ZNF407: variants seen among roughly 807,000 people sequenced by gnomAD.
ZNF407 encodes zinc finger protein 407.
In ZNF407, 17 loss-of-function variants were observed where a neutral mutation model predicts 131.2. That is an observed-to-expected ratio of 0.13 (90% CI 0.09 to 0.19). The LOEUF (loss-of-function observed/expected upper bound fraction) is 0.19. ZNF407 is among the 10% of genes least tolerant of loss of function. The probability of loss-of-function intolerance (pLI) is 1.00; values close to 1 mark genes in which losing one functional copy is unlikely to be tolerated. For synonymous variants in ZNF407, 1,156 were observed against 1,062.0 expected, an observed-to-expected ratio of 1.09 and a Z score of -1.72; for missense variants, 2,681 against 2,830.6, an observed-to-expected ratio of 0.95 and a Z score of 1.20.
At chr18:75,015,066 T>C (rs1444552789) in intron 8 of ZNF407, among the ~76,000 whole-genome samples, 1 of 152,098 alleles carries the variant, frequency 6.6e-6, no homozygotes, top group East Asian at 1.9e-4. Context: ...CCAGCTAATT[T>C]GGGGAGACTA....
At chr18:74,970,010 C>T (rs529200693) in intron 8 of ZNF407, among the ~76,000 whole-genome samples, 92 of 152,022 alleles carry the variant, frequency 6.1e-4, no homozygotes, top group East Asian at 7.7e-4. Flanking sequence ...ATAAAACTGG[C>T]GGGGGTGAAA....
At chr18:75,029,034 G>A (rs147526009) in intron 8 of ZNF407, among the ~76,000 whole-genome samples, 6 of 152,260 alleles carry the variant, frequency 3.9e-5, no homozygotes, top group African/African-American at 9.6e-5. Context: ...TTGTAGTCAC[G>A]AATAAAATTA....
At chr18:74,804,623 C>T (rs1970080974) in intron 4 of ZNF407, 1 of 982,974 alleles carries the variant, frequency 1.0e-6, no homozygotes, top group African/African-American at 1.7e-5. Flanking sequence ...ATGCTGATTA[C>T]TATAGCCAGT....
At chr18:74,781,606 CAT>C in intron 4 of ZNF407, 104 bp downstream of exon 4, 2 of 789,386 alleles carry the variant, frequency 2.5e-6, no homozygotes, top group Non-Finnish European at 3.8e-6. Flanking sequence ...ATCAGTTAAT[CAT>C]GTTTCTATTT....
chr18:75,062,895 T>C (rs1340657060), intron 8 of ZNF407: 1 of 363,776 alleles, frequency 2.7e-6, no homozygotes, highest in African/African-American at 2.1e-5. Context: ...AGAGTTGTAT[T>C]GGACAGCTCA....
rs541410272 is a variant in ZNF407, at chr18:74,746,091, A to T, written c.4803-35337A>T. On this transcript the variant is annotated intron_variant, in intron 3 of 8. Transcript: ENST00000299687. ...ACACCTAGGCTAGATGGTATGGCCT[A>T]TTGCTCCTAGGCTGCAAACCTGTCC... 4.6e-5 allele frequency among the ~76,000 whole-genome samples: 7 copies of T among 152,306 alleles called. No homozygotes were observed. The South Asian group carries it at 1.2e-3, about 27-fold the overall frequency.
chr18:74,730,080 G>A (rs890832425), intron 3 of ZNF407, among the ~76,000 whole-genome samples: 5 of 152,122 alleles, frequency 3.3e-5, no homozygotes, highest in Admixed American at 2.0e-4. Context: ...TGTGCCAGGC[G>A]CTATTCTTGG....
Position 75,027,428 on chromosome 18 carries a change from C to T in ZNF407, c.5429-35722C>T, listed in dbSNP as rs186969461. 3.4e-4 allele frequency among the ~76,000 whole-genome samples: 51 copies of T among 152,208 alleles called. 1 individual carries two copies. The East Asian group carries it at 8.1e-3, about 24-fold the overall frequency. ...GAGACTAGTTAGGAGATATTGGCTG[C>T]GATCAGGAAGACAGAGATACAGGTG... On this transcript the variant is annotated intron_variant, in intron 8 of 8. Coordinates refer to ENST00000299687, the MANE Select transcript of ZNF407 (RefSeq NM_017757.3).
chr18:75,006,165 A>G (rs1376110345), intron 8 of ZNF407, among the ~76,000 whole-genome samples: 1 of 152,154 alleles, frequency 6.6e-6, no homozygotes, highest in Non-Finnish European at 1.5e-5. Flanking sequence ...CTTCCTCTGC[A>G]CTGCCGCTCC....
At chr18:74,879,813 G>A (rs565353052) in intron 5 of ZNF407, among the ~76,000 whole-genome samples, 2 of 152,300 alleles carry the variant, frequency 1.3e-5, no homozygotes, top group East Asian at 1.9e-4. Context: ...TGTGTTCGTT[G>A]AAAGTAGAAA....
chr18:74,696,618 A>ATGTG (rs369910424), intron 3 of ZNF407, among the ~76,000 whole-genome samples: 2 of 151,464 alleles, frequency 1.3e-5, no homozygotes, highest in African/African-American at 2.4e-5. Context: ...TAGGGTTATA[A>ATGTG]TGTGTGTGTG....
rs887931198 is a variant in ZNF407, at chr18:74,793,324, G to A, written c.4877+11822G>A. On this transcript the variant is annotated intron_variant, in intron 4 of 8. Coordinates refer to ENST00000299687, the MANE Select transcript of ZNF407 (RefSeq NM_017757.3). ...CAATGTCTGGAGTGTAATATTTTTA[G>A]TTTTCAGGTTTGGTGTTAAATTCAC... Among the ~76,000 whole-genome samples, 4 of 152,180 alleles carry A rather than the reference G, an allele frequency of 2.6e-5. No homozygotes were observed. The East Asian group carries it at 7.7e-4, about 29-fold the overall frequency.
chr18:74,999,348 TAAAAAAAAAAAAAAAAAAA>T (rs71170334), intron 8 of ZNF407, among the ~76,000 whole-genome samples: 17 of 60,450 alleles, frequency 2.8e-4, no homozygotes, highest in Non-Finnish European at 5.4e-4. Context: ...TAGAGTATAA[TAAAAAAAAAAAAAAAAAAA>T]AAAAAAAACA....
rs60629711 is a variant in ZNF407, at chr18:74,978,916, A to G, written c.5428+58224A>G. 5.5e-3 allele frequency among the ~76,000 whole-genome samples: 835 copies of G among 152,256 alleles called. 9 individuals are homozygous for G. Among genetic ancestry groups the G allele is most frequent in the African/African-American group, 0.019 (810 of 41,554 alleles). ...ATGACAATGTGCAGGGAGCTGGGAA[A>G]ACAGCAGGAACCATCGGGAGAGGCG... On this transcript the variant is annotated intron_variant, in intron 8 of 8. Coordinates refer to ENST00000299687, the MANE Select transcript of ZNF407 (RefSeq NM_017757.3).
intron 2 of ZNF407, among the ~76,000 whole-genome samples, chr18:74,636,986 C>T (rs1984493197): frequency 6.6e-6 from 1 of 152,210 alleles, no homozygotes; most frequent in South Asian, 2.1e-4. Flanking sequence ...GCAGATAAAA[C>T]TGAATAAAAC....
At chr18:74,660,439 G>C (rs1985663830) in intron 3 of ZNF407, among the ~76,000 whole-genome samples, 1 of 152,012 alleles carries the variant, frequency 6.6e-6, no homozygotes. Context: ...TATAATTTTT[G>C]CCTCACGTCC....
At chr18:75,004,896 C>G (rs142413056) in intron 8 of ZNF407, among the ~76,000 whole-genome samples, 1 of 152,176 alleles carries the variant, frequency 6.6e-6, no homozygotes, top group African/African-American at 2.4e-5. Flanking sequence ...GAGATGGCTT[C>G]TGGCAGCGCT....
chr18:74,998,327 G>T (rs1972802921), intron 8 of ZNF407, among the ~76,000 whole-genome samples: 1 of 152,154 alleles, frequency 6.6e-6, no homozygotes, highest in East Asian at 1.9e-4. Flanking sequence ...TCTTTGCCTA[G>T]CCCCATCCTT....
intron 4 of ZNF407, among the ~76,000 whole-genome samples, chr18:74,795,136 G>T (rs1200006905): frequency 1.3e-5 from 2 of 151,978 alleles, no homozygotes; most frequent in Non-Finnish European, 2.9e-5. Context: ...GACTTTTCTA[G>T]AGAATATTAT....
Sources: allele counts gnomAD v4.1 joint callset (sites outside exome capture counted in the v4.1 genomes callset), GRCh38; gene constraint gnomAD v4.1.1; transcripts MANE v1.5; gene names NCBI Gene and HGNC (gene_info 2026-07-23, HGNC 2026-07-21).